The following SHROOM3 variants were observed in gnomAD, a reference collection of about 807,000 sequenced individuals.
SHROOM3 encodes protein Shroom3.
A neutral mutation model predicts 138.6 loss-of-function variants in SHROOM3; 47 were observed. That is an observed-to-expected ratio of 0.34 (90% CI 0.27 to 0.43). The LOEUF (loss-of-function observed/expected upper bound fraction) is 0.43, where lower values mean the gene tolerates loss of function less well. Among genes scored for constraint, SHROOM3 ranks in the 20% least tolerant of loss-of-function variants. The probability of loss-of-function intolerance (pLI) is 1.00; values close to 1 mark genes in which losing one functional copy is unlikely to be tolerated. For synonymous variants in SHROOM3, 1,062 were observed against 1,063.3 expected (o/e 1.00, Z 0.02); for missense variants, 2,491 against 2,596.5 (o/e 0.96, Z 0.88).
intron 1 of SHROOM3, among the ~76,000 whole-genome samples, chr4:76,504,430 A>G (rs1732164397): frequency 6.6e-6 from 1 of 152,240 alleles, no homozygotes; most frequent in Non-Finnish European, 1.5e-5. Context: ...AAGTGCTGGA[A>G]TTACAGGCGT....
intron 1 of SHROOM3, among the ~76,000 whole-genome samples, chr4:76,470,074 G>T (rs1353663244): frequency 1.3e-5 from 2 of 152,090 alleles, no homozygotes; most frequent in Non-Finnish European, 2.9e-5. Flanking sequence ...CAAGCTTAAT[G>T]CTTTATATGC....
At chr4:76,668,287 G>A (rs1161570570) in intron 2 of SHROOM3, among the ~76,000 whole-genome samples, 3 of 152,104 alleles carry the variant, frequency 2.0e-5, no homozygotes, top group African/African-American at 7.2e-5. Flanking sequence ...TATGTCGGGC[G>A]CGGTGGCTCA....
chr4:76,460,492 A>G (rs893807832), intron 1 of SHROOM3, among the ~76,000 whole-genome samples: 6 of 152,202 alleles, frequency 3.9e-5, no homozygotes, highest in African/African-American at 1.4e-4. Context: ...CTGGCAAAAC[A>G]AAATGCCGCA....
Position 76,447,091 on chromosome 4 carries a change from A to G in SHROOM3, c.168+10871A>G, listed in dbSNP as rs748414579. 7.9e-5 allele frequency among the ~76,000 whole-genome samples: 12 copies of G among 152,128 alleles called. No individual in the cohort carries two copies. The South Asian group carries it at 2.3e-3, about 29-fold the overall frequency. On this transcript the variant is annotated intron_variant, in intron 1 of 10. Transcript: ENST00000296043. ...TGCTACCTGCTAGGGTCTTGGTTCA[A>G]TTGGCCTCATCTCTCACTCATTCTT...
intron 3 of SHROOM3, among the ~76,000 whole-genome samples, chr4:76,719,534 C>A (rs749708912): frequency 6.6e-6 from 1 of 152,156 alleles, no homozygotes; most frequent in Non-Finnish European, 1.5e-5. Context: ...ATAGATATTA[C>A]AATGTTTGCA....
At chr4:76,620,070 C>CAAAAAAAAAAAAAAAAAAAAAAAAAA (rs68039696) in intron 2 of SHROOM3, among the ~76,000 whole-genome samples, 1 of 61,098 alleles carries the variant, frequency 1.6e-5, no homozygotes, top group Non-Finnish European at 3.2e-5. Flanking sequence ...GAATCTATCT[C>CAAAAAAAAAAAAAAAAAAAAAAAAAA]AAAAAAAAAA....
intron 2 of SHROOM3, among the ~76,000 whole-genome samples, chr4:76,589,953 C>T (rs1215223835): frequency 1.3e-5 from 2 of 152,108 alleles, no homozygotes; most frequent in Non-Finnish European, 2.9e-5. Context: ...CCAACACTAC[C>T]AAGAAGTTAG....
intron 2 of SHROOM3, among the ~76,000 whole-genome samples, chr4:76,594,090 A>G (rs1302357751): frequency 6.6e-6 from 1 of 152,162 alleles, no homozygotes. Context: ...TTCCCATTTA[A>G]CAGGTTAAAC....
chr4:76,653,754 C>T (rs948246010), intron 2 of SHROOM3, among the ~76,000 whole-genome samples: 2 of 151,878 alleles, frequency 1.3e-5, no homozygotes, highest in Admixed American at 6.6e-5. Flanking sequence ...TCAGTAGGGA[C>T]GAGGTTTTTC....
chr4:76,681,148 C>G (rs1214364218), intron 2 of SHROOM3, among the ~76,000 whole-genome samples: 2 of 152,228 alleles, frequency 1.3e-5, no homozygotes, highest in Admixed American at 6.5e-5. Flanking sequence ...AGTTCCACAA[C>G]TGGCCTGTGC....
At chr4:76,748,974 C>A (rs1721537914) in intron 5 of SHROOM3, 43 bp from the exon 6 acceptor site, 3 of 1,592,874 alleles carry the variant, frequency 1.9e-6, no homozygotes, top group East Asian at 2.2e-5. Flanking sequence ...AATTTAAACA[C>A]CCGTTTATTG....
chr4:76,723,256 C>T (rs1373682361), intron 3 of SHROOM3, among the ~76,000 whole-genome samples: 2 of 152,134 alleles, frequency 1.3e-5, no homozygotes, highest in Middle Eastern at 3.2e-3. Context: ...TCTACAGCCT[C>T]GGTGGCCCAA....
intron 2 of SHROOM3, among the ~76,000 whole-genome samples, chr4:76,654,011 AT>A (rs1176207376): frequency 2.0e-5 from 3 of 152,186 alleles, no homozygotes; most frequent in African/African-American, 7.2e-5. Flanking sequence ...TAAATTACCA[AT>A]CAATGTGGTA....
intron 9 of SHROOM3, among the ~76,000 whole-genome samples, chr4:76,766,136 C>T (rs1034209657): frequency 9.2e-5 from 14 of 152,220 alleles, no homozygotes; most frequent in African/African-American, 3.4e-4. Flanking sequence ...TCACTTTCCT[C>T]ATCGGTAAAC....
intron 2 of SHROOM3, among the ~76,000 whole-genome samples, chr4:76,665,729 C>T (rs1718674362): frequency 6.6e-6 from 1 of 152,304 alleles, no homozygotes; most frequent in Middle Eastern, 3.4e-3. Context: ...CTGTTGTGTT[C>T]ATCTGTGGAA....
At chr4:76,648,505 CAT>C (rs1491295706) in intron 2 of SHROOM3, among the ~76,000 whole-genome samples, 1 of 80,750 alleles carries the variant, frequency 1.2e-5, no homozygotes, top group Admixed American at 1.2e-4. Flanking sequence ...TAAAGACCTG[CAT>C]TTTTTTTTTT....
intron 2 of SHROOM3, among the ~76,000 whole-genome samples, chr4:76,633,678 A>T (rs1380747822): frequency 2.1e-5 from 2 of 95,248 alleles, no homozygotes; most frequent in African/African-American, 8.4e-5. Flanking sequence ...AAAAAAAAAA[A>T]GAAAAGAAAT....
intron 1 of SHROOM3, among the ~76,000 whole-genome samples, chr4:76,513,293 C>T (rs1236963636): frequency 6.6e-6 from 1 of 151,852 alleles, no homozygotes; most frequent in Non-Finnish European, 1.5e-5. Context: ...AAGCTGGTTG[C>T]TGATTCTAAT....
intron 2 of SHROOM3, among the ~76,000 whole-genome samples, chr4:76,568,532 G>A (rs377714446): frequency 1.1e-4 from 16 of 152,084 alleles, no homozygotes; most frequent in South Asian, 8.3e-4. Flanking sequence ...GATCATATTC[G>A]AAGTTTGTTT....
Sources: allele counts gnomAD v4.1 joint callset (sites outside exome capture counted in the v4.1 genomes callset), GRCh38; gene constraint gnomAD v4.1.1; transcripts MANE v1.5; gene names NCBI Gene and HGNC (gene_info 2026-07-23, HGNC 2026-07-21).